SS18: variants seen among roughly 807,000 people sequenced by gnomAD.
The protein encoded by SS18 is protein SSXT.
Under a neutral mutation model 72.5 loss-of-function variants are expected in SS18, and 28 were observed. The observed-to-expected ratio is 0.39, with a 90% CI of 0.29 to 0.53. The LOEUF is 0.53. Among genes scored for constraint, SS18 ranks in the 20% least tolerant of loss-of-function variants. The pLI, the probability that SS18 is intolerant of heterozygous loss-of-function variation, is 0.76. For missense variants in SS18, 518 were observed against 535.3 expected (o/e 0.97, Z 0.32); for synonymous variants, 172 against 164.2 (o/e 1.05, Z -0.37).
At chr18:26,032,368 T>A in intron 10 of SS18, 31 bp downstream of exon 10, 1 of 1,606,688 alleles carries the variant, frequency 6.2e-7, no homozygotes, top group South Asian at 1.1e-5. Context: ...AGAAACAATG[T>A]GGCAATTCTG....
chr18:26,030,122 T>C (rs939946782), intron 10 of SS18, among the ~76,000 whole-genome samples: 1 of 152,196 alleles, frequency 6.6e-6, no homozygotes, highest in Non-Finnish European at 1.5e-5. Flanking sequence ...ATACACTGCT[T>C]TTCAAGCTCC....
intron 10 of SS18, among the ~76,000 whole-genome samples, chr18:26,023,177 A>G (rs1050805073): frequency 1.3e-4 from 20 of 152,070 alleles, no homozygotes; most frequent in Non-Finnish European, 2.4e-4. Context: ...AAGGACAGAG[A>G]AAAAAAACTG....
chr18:26,063,277 T>C (rs1254349446), intron 3 of SS18, among the ~76,000 whole-genome samples: 2 of 152,330 alleles, frequency 1.3e-5, no homozygotes, highest in South Asian at 4.1e-4. Context: ...CCCAGCACTT[T>C]GGGAGGCCAA....
chr18:26,046,209 AAAG>A (rs2053820045), intron 5 of SS18, among the ~76,000 whole-genome samples: 1 of 139,896 alleles, frequency 7.1e-6, no homozygotes, highest in Non-Finnish European at 1.5e-5. Context: ...AAAAAAAAAA[AAAG>A]AAGTAGAAAA....
chr18:26,065,703 G>C (rs1315266217), intron 3 of SS18, among the ~76,000 whole-genome samples: 2 of 148,118 alleles, frequency 1.4e-5, no homozygotes, highest in African/African-American at 4.9e-5. Context: ...ACACCACAGA[G>C]AATAAAAAGA....
rs572160031 is a variant in SS18, at chr18:26,080,251, T to C, written c.147-2091A>G. On this transcript the variant is annotated intron_variant, in intron 2 of 10. Coordinates refer to ENST00000415083, the MANE Select transcript of SS18 (RefSeq NM_001007559.3). ...AAGGAACTTAAAATATAGTGTTCCATATCTTGCCATTTTTTAAAAAACCAA... is the reference window on the plus strand; with the variant it reads ...AAGGAACTTAAAATATAGTGTTCCACATCTTGCCATTTTTTAAAAAACCAA... 1.0e-4 allele frequency: 70 copies of C among 673,874 alleles called. 1 individual carries two copies. The South Asian group carries it at 4.0e-3, about 38-fold the overall frequency. 41.7% of individuals were successfully genotyped at this position (673,874 alleles called of 1,614,324 possible).
At chr18:26,036,733 T>C (rs1172891795) in intron 7 of SS18, among the ~76,000 whole-genome samples, 1 of 152,124 alleles carries the variant, frequency 6.6e-6, no homozygotes, top group Non-Finnish European at 1.5e-5. Context: ...AGGAATAAAA[T>C]TACAAATGAA....
chr18:26,041,864 T>C (rs1363783838), intron 5 of SS18, among the ~76,000 whole-genome samples: 1 of 152,200 alleles, frequency 6.6e-6, no homozygotes, highest in East Asian at 1.9e-4. Flanking sequence ...GCTTTATCTT[T>C]TGGGACTGTG....
At position 26,027,493 on chromosome 18, in the gene SS18, A is replaced by G. The variant is rs142847918; in HGVS notation, c.1230+4906T>C. ...GAAACCCTGTCTCAACTAAAAATACAAATAAAAATAAATAAATAAATAATT... is the reference window on the plus strand; with the variant it reads ...GAAACCCTGTCTCAACTAAAAATACGAATAAAAATAAATAAATAAATAATT... On this transcript the variant is annotated intron_variant, in intron 10 of 10. Coordinates refer to ENST00000415083, the MANE Select transcript of SS18 (RefSeq NM_001007559.3). 2.8e-3 allele frequency among the ~76,000 whole-genome samples: 422 copies of G among 151,782 alleles called. 2 individuals are homozygous for G. Among genetic ancestry groups the G allele is most frequent in the Middle Eastern group, 0.01 (3 of 294 alleles).
At chr18:26,079,102 A>T (rs2054471598) in intron 2 of SS18, 1 of 152,228 alleles carries the variant, frequency 6.6e-6, no homozygotes, top group Non-Finnish European at 1.5e-5. Context: ...CATATAGAGA[A>T]GGCAATGAAT....
intron 3 of SS18, among the ~76,000 whole-genome samples, chr18:26,076,614 G>A (rs1017676113): frequency 6.6e-6 from 1 of 151,878 alleles, no homozygotes; most frequent in Non-Finnish European, 1.5e-5. Flanking sequence ...TGTATCTTAG[G>A]GACAAGCATC....
intron 4 of SS18, among the ~76,000 whole-genome samples, chr18:26,056,361 G>T (rs1463256383): frequency 6.6e-6 from 1 of 152,216 alleles, no homozygotes; most frequent in Non-Finnish European, 1.5e-5. Flanking sequence ...GTGTGTCCTG[G>T]TGAACTAAAT....
At chr18:26,036,665 AC>A (rs2053631428) in intron 7 of SS18, among the ~76,000 whole-genome samples, 2 of 152,286 alleles carry the variant, frequency 1.3e-5, no homozygotes, top group South Asian at 2.1e-4. Context: ...GTAGGAAATA[AC>A]CTTTTAGTTA....
intron 5 of SS18, among the ~76,000 whole-genome samples, chr18:26,042,007 C>T (rs2053736991): frequency 6.6e-6 from 1 of 151,776 alleles, no homozygotes; most frequent in South Asian, 2.1e-4. Context: ...ACTACTAAAG[C>T]ACAATACATT....
chr18:26,086,430 C>T (rs1225438627), intron 2 of SS18, among the ~76,000 whole-genome samples: 1 of 152,102 alleles, frequency 6.6e-6, no homozygotes, highest in Non-Finnish European at 1.5e-5. Context: ...GAAAAGAATG[C>T]AATATATCTC....
At chr18:26,049,597 G>A (rs1419858798) in intron 5 of SS18, among the ~76,000 whole-genome samples, 2 of 152,072 alleles carry the variant, frequency 1.3e-5, no homozygotes, top group Non-Finnish European at 2.9e-5. Context: ...CTACAGCCTC[G>A]AAGTCCTGTG....
chr18:26,044,803 T>C lies in SS18; in HGVS notation c.608-5347A>G, dbSNP rs559994451. 1.5e-4 allele frequency among the ~76,000 whole-genome samples: 23 copies of C among 152,158 alleles called. No homozygotes were observed. The South Asian group carries it at 4.1e-3, about 27-fold the overall frequency. ...GGGGTAAAGGATCGAGATTGGAGAC[T>C]GAGATCAACCACATGGACAAGCGAT... On this transcript the variant is annotated intron_variant, in intron 5 of 10. Transcript: ENST00000415083.
In SS18 at chr18:26,057,667, T is replaced by C; in HGVS notation, c.307A>G (p.Asn103Asp). ...SGPPPPPRSH[N>D]MPSDGMVGGG... Reference sequence around the variant, plus strand: ...CCTACCATTCCATCTGAAGGCATGTTGTGAGAGCGTGGAGGTGGGGGAGGG... The same window carrying C: ...CCTACCATTCCATCTGAAGGCATGTCGTGAGAGCGTGGAGGTGGGGGAGGG... Residue 103 changes from asparagine to aspartate, a missense_variant, in exon 4 of 11, where the codon AAC becomes GAC. Coordinates refer to ENST00000415083, the MANE Select transcript of SS18 (RefSeq NM_001007559.3). 1 of 1,614,120 alleles carries C rather than the reference T, an allele frequency of 6.2e-7. No individual in the cohort carries two copies. Among genetic ancestry groups the C allele is most frequent in the Non-Finnish European group, 8.5e-7 (1 of 1,180,010 alleles).
intron 10 of SS18, among the ~76,000 whole-genome samples, chr18:26,026,244 T>G (rs975531657): frequency 6.6e-6 from 1 of 152,164 alleles, no homozygotes; most frequent in African/African-American, 2.4e-5. Context: ...GCGATGCAGA[T>G]GCAGAAATTC....
Sources: gnomAD v4.1 joint callset for allele counts (sites outside exome capture counted in the v4.1 genomes callset) on GRCh38, gnomAD v4.1.1 for gene constraint, MANE v1.5 for transcripts, NCBI Gene and HGNC (gene_info 2026-07-23, HGNC 2026-07-21) for gene names.